Variants in SRPK2 observed in about 807,000 individuals in gnomAD.
The protein encoded by SRPK2 is SRSF protein kinase 2.
In SRPK2, 21 loss-of-function variants were observed where a neutral mutation model predicts 90.8. The ratio of observed to expected loss-of-function variants is 0.23; its 90% CI spans 0.16 to 0.33. The LOEUF is 0.33. Among genes scored for constraint, SRPK2 ranks in the 10% least tolerant of loss-of-function variants. The pLI is 1.00. For missense variants in SRPK2, 620 were observed against 869.0 expected, an observed-to-expected ratio of 0.71 and a Z score of 3.60; for synonymous variants, 288 against 311.1, an observed-to-expected ratio of 0.93 and a Z score of 0.78.
intron 2 of SRPK2, among the ~76,000 whole-genome samples, chr7:105,281,869 A>C (rs904205287): frequency 1.3e-5 from 2 of 152,234 alleles, no homozygotes; most frequent in African/African-American, 4.8e-5. Context: ...AATATTGTTA[A>C]GATGGCAATA....
intron 3 of SRPK2, among the ~76,000 whole-genome samples, chr7:105,196,352 CAG>C (rs1242071537): frequency 6.6e-6 from 1 of 152,172 alleles, no homozygotes; most frequent in Non-Finnish European, 1.5e-5. Context: ...TCAAAAGGAA[CAG>C]AAAGTAAAGA....
chr7:105,169,950 G>A (rs543727106), intron 3 of SRPK2, among the ~76,000 whole-genome samples: 1 of 152,214 alleles, frequency 6.6e-6, no homozygotes, highest in South Asian at 2.1e-4. Context: ...CAGGTAGCTG[G>A]AACTACAGGC....
intron 2 of SRPK2, among the ~76,000 whole-genome samples, chr7:105,381,278 A>G (rs948894266): frequency 1.3e-5 from 2 of 152,114 alleles, no homozygotes; most frequent in African/African-American, 2.4e-5. Context: ...TAAAATGACA[A>G]TATTAAAATG....
intron 3 of SRPK2, among the ~76,000 whole-genome samples, chr7:105,196,309 A>G (rs1794908194): frequency 6.6e-6 from 1 of 152,252 alleles, no homozygotes; most frequent in African/African-American, 2.4e-5. Context: ...TTTTAAGTAA[A>G]AGAACTGTGA....
chr7:105,297,737 ATTTTT>A (rs202204947), intron 2 of SRPK2, among the ~76,000 whole-genome samples: 3,353 of 120,138 alleles, frequency 0.028, 51 homozygotes, highest in African/African-American at 0.066. Flanking sequence ...TAAGCTGTAA[ATTTTT>A]TTTTTTTTTT....
intron 2 of SRPK2, chr7:105,306,395 GTA>G (rs1563218483): frequency 4.9e-6 from 2 of 405,010 alleles, no homozygotes; most frequent in Non-Finnish European, 9.5e-6. Context: ...TGCAAAGTAC[GTA>G]TCACTAGAAC....
intron 2 of SRPK2, among the ~76,000 whole-genome samples, chr7:105,334,691 T>A (rs954885795): frequency 3.3e-5 from 5 of 151,578 alleles, no homozygotes; most frequent in Admixed American, 6.6e-5. Context: ...TGCAAAAAAA[T>A]TAGCCAGGTA....
At chr7:105,312,933 A>T (rs1811881995) in intron 2 of SRPK2, among the ~76,000 whole-genome samples, 1 of 152,174 alleles carries the variant, frequency 6.6e-6, no homozygotes. Context: ...ATACCACACC[A>T]GGCAAGAAAG....
chr7:105,156,130 T>C (rs1346470139), intron 7 of SRPK2, among the ~76,000 whole-genome samples: 1 of 152,174 alleles, frequency 6.6e-6, no homozygotes, highest in Non-Finnish European at 1.5e-5. Context: ...CCCAGTACAA[T>C]TCCAAACTTA....
At chr7:105,163,980 A>G (rs1203050389) in intron 6 of SRPK2, among the ~76,000 whole-genome samples, 1 of 152,230 alleles carries the variant, frequency 6.6e-6, no homozygotes, top group Non-Finnish European at 1.5e-5. Context: ...CCAGATCAAG[A>G]CAAGAGCAGA....
intron 2 of SRPK2, among the ~76,000 whole-genome samples, chr7:105,230,897 T>C (rs967148709): frequency 4.6e-5 from 7 of 152,236 alleles, no homozygotes; most frequent in African/African-American, 1.4e-4. Flanking sequence ...ATATTGTTAA[T>C]ACTATAAATG....
chr7:105,216,069 C>CAA lies in SRPK2; in HGVS notation c.72-12286_72-12285dup, dbSNP rs767351592. On this transcript the variant is annotated intron_variant, in intron 2 of 15. Coordinates refer to ENST00000393651, the MANE Select transcript of SRPK2 (RefSeq NM_182692.3). The stretch of plus-strand genomic sequence containing the variant: ...GCAATAGAGCATGACCCCATCTCTA[C>CAA]AAAAAAAAAAAAAAAAAGTTAAATT... Among the ~76,000 whole-genome samples the CAA allele has an allele frequency of 6.9e-3, 412 of 60,130 alleles. 1 individual carries two copies. Among genetic ancestry groups the CAA allele is most frequent in the African/African-American group, 0.02 (374 of 19,146 alleles). The allele number at this position is 60,130 out of a possible 152,430, so 39.4% of individuals were successfully genotyped here.
chr7:105,220,707 A>G (rs1797993214), intron 2 of SRPK2, among the ~76,000 whole-genome samples: 1 of 152,206 alleles, frequency 6.6e-6, no homozygotes, highest in African/African-American at 2.4e-5. Flanking sequence ...TTACCACTCC[A>G]GTTGAATGTC....
intron 2 of SRPK2, among the ~76,000 whole-genome samples, chr7:105,352,377 T>A (rs753782528): frequency 2.6e-5 from 4 of 152,188 alleles, no homozygotes; most frequent in Non-Finnish European, 5.9e-5. Context: ...AGCTGACATG[T>A]TGTGAGAACA....
chr7:105,157,414 G>C (rs1584985507), intron 7 of SRPK2, among the ~76,000 whole-genome samples: 1 of 152,162 alleles, frequency 6.6e-6, no homozygotes, highest in East Asian at 1.9e-4. Flanking sequence ...AATCTTCCTA[G>C]TACTACCCGG....
chr7:105,381,160 C>T (rs1291040301), intron 2 of SRPK2, among the ~76,000 whole-genome samples: 3 of 151,916 alleles, frequency 2.0e-5, no homozygotes, highest in African/African-American at 7.3e-5. Flanking sequence ...ATGAGGAGCG[C>T]CTGAACCCAG....
At chr7:105,392,455 C>T (rs1822204136), upstream of SRPK2, among the ~76,000 whole-genome samples, 1 of 152,202 alleles carries the variant, frequency 6.6e-6, no homozygotes, top group African/African-American at 2.4e-5. Flanking sequence ...GGGTTGGCAT[C>T]CATTGATGAT....
At chr7:105,307,035 A>G (rs538036889) in intron 2 of SRPK2, among the ~76,000 whole-genome samples, 1 of 152,326 alleles carries the variant, frequency 6.6e-6, no homozygotes, top group South Asian at 2.1e-4. Flanking sequence ...GCAGCTAAAC[A>G]TGTCCTGGAA....
upstream of SRPK2, chr7:105,388,938 C>CGCCGCT: frequency 2.5e-6 from 3 of 1,189,616 alleles, no homozygotes; most frequent in Non-Finnish European, 3.1e-6. Context: ...CCGCCGCCGC[C>CGCCGCT]GCCGCTCCAG....
Sources: gnomAD v4.1 joint callset for allele counts (sites outside exome capture counted in the v4.1 genomes callset) on GRCh38, gnomAD v4.1.1 for gene constraint, MANE v1.5 for transcripts, NCBI Gene and HGNC (gene_info 2026-07-23, HGNC 2026-07-21) for gene names.